Variants in UIMC1 observed in about 807,000 individuals in gnomAD.
The protein encoded by UIMC1 is BRCA1-A complex subunit RAP80.
In UIMC1, 42 loss-of-function variants were observed where a neutral mutation model predicts 84.9. The observed-to-expected ratio is 0.49, with a 90% CI of 0.39 to 0.64. UIMC1 has a LOEUF of 0.64. UIMC1 is among the 30% of genes least tolerant of loss of function. The pLI, the probability that UIMC1 is intolerant of heterozygous loss-of-function variation, is 0.00. For synonymous variants in UIMC1, 281 were observed against 293.0 expected (o/e 0.96, Z 0.42); for missense variants, 825 against 847.6 (o/e 0.97, Z 0.33).
intron 1 of UIMC1, among the ~76,000 whole-genome samples, chr5:177,003,011 C>T (rs1003451681): frequency 2.0e-5 from 3 of 151,882 alleles, no homozygotes; most frequent in East Asian, 1.9e-4. Context: ...ATACAGGATA[C>T]GCACCTATAA....
At chr5:176,923,562 AAAAG>A (rs780629072) in intron 10 of UIMC1, among the ~76,000 whole-genome samples, 79 of 150,008 alleles carry the variant, frequency 5.3e-4, no homozygotes, top group Middle Eastern at 3.5e-3. Context: ...GCAAAAAAAA[AAAAG>A]AAAGAAAGAA....
intron 10 of UIMC1, among the ~76,000 whole-genome samples, chr5:176,939,205 C>T (rs1471356232): frequency 9.6e-5 from 14 of 145,330 alleles, no homozygotes; most frequent in Non-Finnish European, 1.2e-4. Context: ...TGCAATGAGC[C>T]GTAATTGTAT....
intron 10 of UIMC1, among the ~76,000 whole-genome samples, chr5:176,914,074 C>CCATACCAT (rs1561720850): frequency 1.1e-3 from 48 of 42,446 alleles, no homozygotes; most frequent in African/African-American, 3.4e-3. Context: ...TACCATACCA[C>CCATACCAT]ACCACACCAC....
At chr5:176,917,630 G>C (rs769285118) in intron 10 of UIMC1, among the ~76,000 whole-genome samples, 2 of 152,034 alleles carry the variant, frequency 1.3e-5, no homozygotes, top group Admixed American at 6.6e-5. Context: ...GAGACATGTG[G>C]CTACTTAAAT....
At chr5:176,957,497 A>G (rs536941434) in intron 7 of UIMC1, among the ~76,000 whole-genome samples, 1 of 152,340 alleles carries the variant, frequency 6.6e-6, no homozygotes, top group South Asian at 2.1e-4. Context: ...AGCAAGAACA[A>G]TGGAGGAGGT....
At chr5:177,016,715 G>A (rs1057506370) in intron 1 of UIMC1, among the ~76,000 whole-genome samples, 15 of 143,918 alleles carry the variant, frequency 1.0e-4, no homozygotes, top group East Asian at 4.3e-4. Flanking sequence ...GTGAGACTCC[G>A]TCTCAAAAAA....
At chr5:176,951,893 C>G (rs766286851) in intron 8 of UIMC1, among the ~76,000 whole-genome samples, 1 of 152,178 alleles carries the variant, frequency 6.6e-6, no homozygotes, top group Non-Finnish European at 1.5e-5. Flanking sequence ...GTTCTCTGTA[C>G]CCCTCTGCAG....
intron 13 of UIMC1, among the ~76,000 whole-genome samples, chr5:176,906,422 T>G (rs1324995963): frequency 6.6e-6 from 1 of 152,164 alleles, no homozygotes; most frequent in Non-Finnish European, 1.5e-5. Context: ...CACAACAGAT[T>G]TGCTTGGTGG....
intron 8 of UIMC1, among the ~76,000 whole-genome samples, chr5:176,953,180 C>A (rs1561812584): frequency 6.6e-6 from 1 of 152,144 alleles, no homozygotes; most frequent in Non-Finnish European, 1.5e-5. Context: ...GACTCTCCAG[C>A]CCCCAAAACT....
chr5:176,947,072 G>A (rs1765218679), intron 9 of UIMC1, among the ~76,000 whole-genome samples: 1 of 152,114 alleles, frequency 6.6e-6, no homozygotes, highest in Non-Finnish European at 1.5e-5. Context: ...TCTATACAAT[G>A]CAGAGAATGT....
At chr5:176,991,876 G>A (rs929857618) in intron 1 of UIMC1, among the ~76,000 whole-genome samples, 9 of 152,062 alleles carry the variant, frequency 5.9e-5, no homozygotes, top group Non-Finnish European at 1.3e-4. Flanking sequence ...AGCTTGCAGT[G>A]AGCCGAGATT....
chr5:176,974,769 C>T (rs1769794690), intron 3 of UIMC1, among the ~76,000 whole-genome samples: 2 of 151,680 alleles, frequency 1.3e-5, no homozygotes, highest in African/African-American at 2.4e-5. Flanking sequence ...GCCAAGATCA[C>T]GCCAGCACAC....
At chr5:176,957,200 A>T (rs908527316) in intron 7 of UIMC1, among the ~76,000 whole-genome samples, 3 of 152,176 alleles carry the variant, frequency 2.0e-5, no homozygotes, top group African/African-American at 7.2e-5. Context: ...CCAAAGCCAT[A>T]TTCTTTAGCC....
At chr5:176,926,243 T>C (rs892486286) in intron 10 of UIMC1, among the ~76,000 whole-genome samples, 3 of 151,882 alleles carry the variant, frequency 2.0e-5, no homozygotes, top group Non-Finnish European at 2.9e-5. Flanking sequence ...ACTGAGGAAA[T>C]GTGAATGTGG....
chr5:177,014,451 G>A (rs1451934014), intron 1 of UIMC1, among the ~76,000 whole-genome samples: 1 of 152,074 alleles, frequency 6.6e-6, no homozygotes, highest in Non-Finnish European at 1.5e-5. Flanking sequence ...CCTTTCAAAG[G>A]TCTACTATAG....
At position 176,958,086 on chromosome 5, in the gene UIMC1, C is replaced by T. The variant is rs555308146; in HGVS notation, c.1262+7G>A. On this transcript the variant is annotated splice_region_variant and intron_variant, in intron 7 of 14. Transcript: ENST00000511320. ...AGGAGAATGCATAGCAACATATAAT[C>T]TCTCACCTTTGTGAAGCAGGTACAG... The T allele has an allele frequency of 1.9e-6, 3 of 1,613,446 alleles. No individual in the cohort carries two copies. In the South Asian group the frequency reaches 3.3e-5, roughly 18 times the overall value.
intron 10 of UIMC1, among the ~76,000 whole-genome samples, chr5:176,917,947 A>C (rs1011872336): frequency 6.6e-6 from 1 of 152,230 alleles, no homozygotes; most frequent in African/African-American, 2.4e-5. Flanking sequence ...CAACAACAGC[A>C]AAACTCTGTC....
intron 6 of UIMC1, among the ~76,000 whole-genome samples, chr5:176,966,441 A>T (rs1170883763): frequency 6.6e-6 from 1 of 152,234 alleles, no homozygotes; most frequent in Admixed American, 6.5e-5. Flanking sequence ...CCTCAAAGTT[A>T]CCATTTCTTG....
rs1465906719 is a variant in UIMC1, at chr5:176,905,344, T to C, written c.2098A>G (p.Thr700Ala). The change falls in exon 15 of 15, where the codon ACT becomes GCT. Residue 700 changes from threonine (T) to alanine (A), a missense_variant. Physicochemically the swap from Thr to Ala is moderately conservative, Grantham distance 58 (BLOSUM62 0). Transcript: ENST00000511320. The stretch of plus-strand genomic sequence containing the variant: ...CGTGTCCGACTACCTGGCTGGACAG[T>C]AACTTGCTTTTTAAAGTCCACTAAG... ...DCLVDFKKQV[T>A]VQPGSRTRTK... 1.2e-6 allele frequency: 2 copies of C among 1,614,114 alleles called. No homozygotes were observed. The highest frequency in any genetic ancestry group is 2.2e-5 in the East Asian group (1 of 44,888).
Sources: allele counts gnomAD v4.1 joint callset (sites outside exome capture counted in the v4.1 genomes callset), GRCh38; gene constraint gnomAD v4.1.1; transcripts MANE v1.5; gene names NCBI Gene and HGNC (gene_info 2026-07-23, HGNC 2026-07-21).